Variants in LRMDA observed in about 807,000 individuals in gnomAD.
The protein encoded by LRMDA is leucine-rich melanocyte differentiation-associated protein.
Under a neutral mutation model 29.8 loss-of-function variants are expected in LRMDA, and 18 were observed. The observed-to-expected ratio is 0.60, with a 90% CI of 0.42 to 0.90. The LOEUF is 0.90. Ranked by LOEUF, LRMDA falls within the 40% of genes least tolerant of loss-of-function variation. The probability of loss-of-function intolerance (pLI) is 0.00; values close to 1 mark genes in which losing one functional copy is unlikely to be tolerated. For synonymous variants in LRMDA, 125 were observed against 109.4 expected (o/e 1.14, Z -0.89); for missense variants, 273 against 273.9 (o/e 1.00, Z 0.02).
intron 2 of LRMDA, among the ~76,000 whole-genome samples, chr10:75,587,804 G>C (rs1192832950): frequency 6.6e-6 from 1 of 152,212 alleles, no homozygotes; most frequent in Non-Finnish European, 1.5e-5. Context: ...CCCTTCAGTA[G>C]AGTGCCTGTC....
chr10:76,181,997 G>A (rs990806429), intron 5 of LRMDA, among the ~76,000 whole-genome samples: 4 of 152,192 alleles, frequency 2.6e-5, no homozygotes, highest in Non-Finnish European at 2.9e-5. Flanking sequence ...GACAGTTAAT[G>A]TCTCTGACCC....
intron 2 of LRMDA, among the ~76,000 whole-genome samples, chr10:75,506,915 T>C (rs1338781734): frequency 1.3e-5 from 2 of 152,110 alleles, no homozygotes; most frequent in Non-Finnish European, 2.9e-5. Flanking sequence ...AAGTTCCTGG[T>C]GTGAGGAGCT....
At chr10:76,143,434 G>A (rs1249281813) in intron 5 of LRMDA, among the ~76,000 whole-genome samples, 1 of 152,142 alleles carries the variant, frequency 6.6e-6, no homozygotes, top group Admixed American at 6.5e-5. Context: ...GCATTTCTCT[G>A]ATGGCCAGTG....
chr10:76,318,158 TA>T (rs1840723777), intron 5 of LRMDA, among the ~76,000 whole-genome samples: 1 of 152,372 alleles, frequency 6.6e-6, no homozygotes, highest in Non-Finnish European at 1.5e-5. Context: ...AGATGATTTG[TA>T]AGATCTTTAA....
chr10:76,274,932 T>C (rs1401463751), intron 5 of LRMDA, among the ~76,000 whole-genome samples: 1 of 152,196 alleles, frequency 6.6e-6, no homozygotes, highest in Non-Finnish European at 1.5e-5. Flanking sequence ...TCTATAACAA[T>C]GCTTTCCATA....
At chr10:76,096,472 T>G (rs1849313044) in intron 5 of LRMDA, among the ~76,000 whole-genome samples, 1 of 152,116 alleles carries the variant, frequency 6.6e-6, no homozygotes, top group African/African-American at 2.4e-5. Flanking sequence ...TCTCACTGAT[T>G]TATGTGTCTA....
intron 2 of LRMDA, among the ~76,000 whole-genome samples, chr10:76,034,040 A>G (rs557832422): frequency 4.6e-5 from 7 of 152,184 alleles, no homozygotes; most frequent in Non-Finnish European, 1.0e-4. Context: ...TATTCTCGAC[A>G]AGATCCTATG....
intron 5 of LRMDA, among the ~76,000 whole-genome samples, chr10:76,110,890 A>G (rs1392490486): frequency 1.3e-5 from 2 of 152,084 alleles, no homozygotes; most frequent in Non-Finnish European, 2.9e-5. Context: ...CATAGCCTGC[A>G]CCACCATGCT....
At chr10:76,036,495 C>T (rs1453901090) in intron 3 of LRMDA, among the ~76,000 whole-genome samples, 1 of 152,206 alleles carries the variant, frequency 6.6e-6, no homozygotes, top group African/African-American at 2.4e-5. Flanking sequence ...TTTGCTTGGG[C>T]TTGTGTGGGA....
chr10:75,665,772 A>G (rs909284110), intron 2 of LRMDA, among the ~76,000 whole-genome samples: 4 of 152,278 alleles, frequency 2.6e-5, no homozygotes, highest in East Asian at 1.9e-4. Context: ...TATGCCTTAC[A>G]TTGTCTTTGA....
chr10:75,543,839 A>AT (rs2132050403), intron 2 of LRMDA, among the ~76,000 whole-genome samples: 1 of 152,212 alleles, frequency 6.6e-6, no homozygotes, highest in African/African-American at 2.4e-5. Context: ...TCTATGAAAC[A>AT]TGACAGTAAG....
chr10:76,031,691 G>C (rs1229751945), intron 2 of LRMDA, among the ~76,000 whole-genome samples: 1 of 152,152 alleles, frequency 6.6e-6, no homozygotes, highest in Non-Finnish European at 1.5e-5. Flanking sequence ...ACCCAGGTTA[G>C]GCCCTTTAGA....
At chr10:76,240,234 T>C (rs1269428819) in intron 5 of LRMDA, among the ~76,000 whole-genome samples, 1 of 150,274 alleles carries the variant, frequency 6.7e-6, no homozygotes, top group Non-Finnish European at 1.5e-5. Context: ...ACGCACACCA[T>C]AGAATACTAC....
intron 2 of LRMDA, among the ~76,000 whole-genome samples, chr10:75,662,770 G>T (rs541096729): frequency 2.7e-4 from 41 of 152,306 alleles, no homozygotes; most frequent in Non-Finnish European, 5.4e-4. Context: ...ACGTTCTGTA[G>T]CCTTCCTACA....
At chr10:75,791,764 A>G (rs1843568429) in intron 2 of LRMDA, among the ~76,000 whole-genome samples, 1 of 152,142 alleles carries the variant, frequency 6.6e-6, no homozygotes, top group Non-Finnish European at 1.5e-5. Context: ...ATTCAGGAAA[A>G]AGGTATATAT....
chr10:76,414,842 C>T (rs1421006779), intron 6 of LRMDA, among the ~76,000 whole-genome samples: 2 of 152,096 alleles, frequency 1.3e-5, no homozygotes, highest in African/African-American at 2.4e-5. Flanking sequence ...TAGATAAGAA[C>T]CAGGGGAATG....
At chr10:75,779,483 G>C (rs1843353355) in intron 2 of LRMDA, among the ~76,000 whole-genome samples, 1 of 152,176 alleles carries the variant, frequency 6.6e-6, no homozygotes, top group Non-Finnish European at 1.5e-5. Context: ...AAGGGCTTTT[G>C]AGCAGAAATT....
At chr10:75,545,577 G>T (rs1840070516) in intron 2 of LRMDA, among the ~76,000 whole-genome samples, 1 of 152,132 alleles carries the variant, frequency 6.6e-6, no homozygotes, top group African/African-American at 2.4e-5. Flanking sequence ...CAACTATGTA[G>T]AAATTGGTTG....
intron 2 of LRMDA, among the ~76,000 whole-genome samples, chr10:75,481,119 A>T (rs1027126732): frequency 6.6e-6 from 1 of 152,256 alleles, no homozygotes; most frequent in Middle Eastern, 3.4e-3. Context: ...CAGTAGATAT[A>T]TAGCTCTAGG....
Sources: gnomAD v4.1 joint callset for allele counts (sites outside exome capture counted in the v4.1 genomes callset) on GRCh38, gnomAD v4.1.1 for gene constraint, MANE v1.5 for transcripts, NCBI Gene and HGNC (gene_info 2026-07-23, HGNC 2026-07-21) for gene names.